OSBPL9: variants seen among roughly 807,000 people sequenced by gnomAD.
The protein encoded by OSBPL9 is oxysterol-binding protein-related protein 9.
OSBPL9 carries 40 observed loss-of-function variants against 106.6 expected under a neutral mutation model. That is an observed-to-expected ratio of 0.38 (90% CI 0.29 to 0.49). The LOEUF (loss-of-function observed/expected upper bound fraction) is 0.49, where lower values mean the gene tolerates loss of function less well. Ranked by LOEUF, OSBPL9 falls within the 20% of genes least tolerant of loss-of-function variation. OSBPL9 has a pLI of 0.97. For missense variants in OSBPL9, 609 were observed against 887.2 expected (o/e 0.69, Z 3.98); for synonymous variants, 269 against 295.4 (o/e 0.91, Z 0.92).
the OSBPL9 span, among the ~76,000 whole-genome samples, chr1:51,540,394 T>C: frequency 2.0e-5 from 3 of 151,932 alleles, no homozygotes; most frequent in Admixed American, 1.3e-4. Context: ...TGGTGGTTCA[T>C]GCCTGTAATC....
chr1:51,632,332 A>G (rs1025171508), intron 1 of OSBPL9, among the ~76,000 whole-genome samples: 2 of 152,200 alleles, frequency 1.3e-5, no homozygotes, highest in African/African-American at 4.8e-5. Context: ...GCTCCATTAT[A>G]ATCTTACAAA....
At chr1:51,628,791 C>A (rs1011797693) in intron 1 of OSBPL9, among the ~76,000 whole-genome samples, 2 of 147,606 alleles carry the variant, frequency 1.4e-5, no homozygotes, top group Non-Finnish European at 3.0e-5. Flanking sequence ...TCCAGCAATT[C>A]TCCTGCCTCA....
chr1:51,518,706 C>G, the OSBPL9 span, among the ~76,000 whole-genome samples: 2 of 152,114 alleles, frequency 1.3e-5, no homozygotes, highest in African/African-American at 4.8e-5. Flanking sequence ...GGGGGGCCTG[C>G]GCGTCCGGCT....
the OSBPL9 span, among the ~76,000 whole-genome samples, chr1:51,560,054 G>T: frequency 2.0e-5 from 3 of 152,174 alleles, no homozygotes; most frequent in Admixed American, 6.5e-5. Context: ...TCTTAAGCCA[G>T]AGAAGCAAGA....
intron 3 of OSBPL9, among the ~76,000 whole-genome samples, chr1:51,676,683 A>T (rs2148786060): frequency 6.6e-6 from 1 of 151,512 alleles, no homozygotes; most frequent in East Asian, 1.9e-4. Context: ...AAAAAAATTG[A>T]CAATGACTGC....
At chr1:51,687,822 A>G (rs1349503588) in intron 3 of OSBPL9, among the ~76,000 whole-genome samples, 3 of 152,210 alleles carry the variant, frequency 2.0e-5, no homozygotes, top group Non-Finnish European at 4.4e-5. Context: ...GGAAAGGGCA[A>G]TTTTAGTCAG....
chr1:51,714,880 A>G (rs774180703), intron 4 of OSBPL9, among the ~76,000 whole-genome samples: 1 of 152,210 alleles, frequency 6.6e-6, no homozygotes, highest in Admixed American at 6.5e-5. Context: ...CACATTGCTG[A>G]TAGGGTAGAA....
intron 1 of OSBPL9, among the ~76,000 whole-genome samples, chr1:51,591,238 A>T (rs963240778): frequency 4.6e-5 from 7 of 151,980 alleles, no homozygotes; most frequent in Admixed American, 3.3e-4. Flanking sequence ...TAATTTTTTA[A>T]TTAATTAATT....
intron 3 of OSBPL9, among the ~76,000 whole-genome samples, chr1:51,683,749 C>T (rs1162109907): frequency 7.9e-5 from 12 of 151,794 alleles, no homozygotes; most frequent in Admixed American, 2.0e-4. Flanking sequence ...GCCAAGATCG[C>T]GCCCCTGCTC....
chr1:51,740,115 T>G, intron 4 of OSBPL9: 1 of 1,549,290 alleles, frequency 6.5e-7, no homozygotes, highest in Non-Finnish European at 8.7e-7. Context: ...TAACTTTCTA[T>G]TCTCTCTTTT....
At chr1:51,562,584 C>A in the OSBPL9 span, among the ~76,000 whole-genome samples, 1 of 152,202 alleles carries the variant, frequency 6.6e-6, no homozygotes, top group African/African-American at 2.4e-5. Flanking sequence ...ATTCCAGGAG[C>A]TTCTTTCCCT....
intron 3 of OSBPL9, among the ~76,000 whole-genome samples, chr1:51,705,877 G>A (rs1350176964): frequency 6.6e-6 from 1 of 152,052 alleles, no homozygotes; most frequent in East Asian, 1.9e-4. Context: ...TTAAGGTCAT[G>A]GTCATTCATT....
chr1:51,521,984 T>C, the OSBPL9 span, among the ~76,000 whole-genome samples: 3 of 152,110 alleles, frequency 2.0e-5, no homozygotes, highest in South Asian at 2.1e-4. Flanking sequence ...CTCGAACTCC[T>C]GACCTCAAGT....
intron 3 of OSBPL9, among the ~76,000 whole-genome samples, chr1:51,699,104 AT>A (rs1012306775): frequency 1.4e-3 from 213 of 152,296 alleles, no homozygotes; most frequent in African/African-American, 4.9e-3. Context: ...ATGAATATTC[AT>A]TTTTTTGAGA....
chr1:51,776,882 A>G lies in OSBPL9; in HGVS notation c.1220A>G (p.Tyr407Cys), dbSNP rs769517410. 1.2e-6 allele frequency: 2 copies of G among 1,612,920 alleles called. No individual in the cohort carries two copies. Among genetic ancestry groups the G allele is most frequent in the Non-Finnish European group, 1.7e-6 (2 of 1,179,114 alleles). ...ILERRSLLEM[Y>C]ADFFAHPDLF... ...GAAAGAAGATCTCTTTTAGAAATGTATGCAGACTTTTTTGCACATCCGGAC... is the reference window on the plus strand; with the variant it reads ...GAAAGAAGATCTCTTTTAGAAATGTGTGCAGACTTTTTTGCACATCCGGAC... Residue 407 changes from tyrosine to cysteine, a missense_variant, in exon 15 of 24, where the codon TAT becomes TGT. Physicochemically the swap from Tyr to Cys is radical, Grantham distance 194. This residue lies in a region of OSBPL9 where 356 missense variants were observed against 505.8 expected (regional missense o/e 0.70). Coordinates refer to ENST00000428468, the MANE Select transcript of OSBPL9 (RefSeq NM_024586.6).
chr1:51,661,619 A>G (rs1248196602), intron 2 of OSBPL9, among the ~76,000 whole-genome samples: 1 of 152,154 alleles, frequency 6.6e-6, no homozygotes, highest in Non-Finnish European at 1.5e-5. Context: ...AAAGATGTAT[A>G]TGTTTATTAT....
the OSBPL9 span, among the ~76,000 whole-genome samples, chr1:51,558,896 T>C: frequency 4.6e-5 from 7 of 152,134 alleles, no homozygotes; most frequent in African/African-American, 1.4e-4. Context: ...TCAAAGATCA[T>C]AAGGAGTCCC....
At chr1:51,778,451 C>G (rs758148755) in intron 15 of OSBPL9, among the ~76,000 whole-genome samples, 9 of 151,942 alleles carry the variant, frequency 5.9e-5, no homozygotes, top group Non-Finnish European at 1.3e-4. Flanking sequence ...AGATACTATG[C>G]AAAACACTAA....
rs1405531827 is a variant in OSBPL9, at chr1:51,711,236, G to A, written c.242-2767G>A. 3.6e-3 allele frequency among the ~76,000 whole-genome samples: 551 copies of A among 151,214 alleles called. 4 individuals are homozygous for A. Among genetic ancestry groups the A allele is most frequent in the African/African-American group, 0.012 (502 of 41,242 alleles). ...GAGCTGCTGGGCACACCTCCCAGACGGGGTGGTGGCCGGGCAGAGGGGCTC... is the reference window on the plus strand; with the variant it reads ...GAGCTGCTGGGCACACCTCCCAGACAGGGTGGTGGCCGGGCAGAGGGGCTC... On this transcript the variant is annotated intron_variant, in intron 3 of 23. Coordinates refer to ENST00000428468, the MANE Select transcript of OSBPL9 (RefSeq NM_024586.6).
Sources: allele counts gnomAD v4.1 joint callset (sites outside exome capture counted in the v4.1 genomes callset), GRCh38; gene constraint gnomAD v4.1.1; regional missense constraint gnomAD v4.1.1; transcripts MANE v1.5; gene names NCBI Gene and HGNC (gene_info 2026-07-23, HGNC 2026-07-21).